IL1RAPL2: variants seen among roughly 807,000 people sequenced by gnomAD.
IL1RAPL2 encodes the protein interleukin 1 receptor accessory protein like 2, also known as X-linked interleukin-1 receptor accessory protein-like 2.
IL1RAPL2 carries 3 observed loss-of-function variants against 44.1 expected under a neutral mutation model. The ratio of observed to expected loss-of-function variants is 0.07; its 90% CI spans 0.03 to 0.18. The LOEUF (loss-of-function observed/expected upper bound fraction) is 0.18, where lower values mean the gene tolerates loss of function less well. IL1RAPL2 is among the 10% of genes least tolerant of loss of function. The pLI, the probability that IL1RAPL2 is intolerant of heterozygous loss-of-function variation, is 1.00. For synonymous variants in IL1RAPL2, 181 were observed against 178.8 expected, an observed-to-expected ratio of 1.01 and a Z score of -0.10; for missense variants, 391 against 496.4, an observed-to-expected ratio of 0.79 and a Z score of 2.02.
intron 2 of IL1RAPL2, among the ~76,000 whole-genome samples, chrX:104,893,326 G>A (rs928338226): frequency 6.3e-5 from 7 of 111,432 alleles, no homozygotes; most frequent in Admixed American, 9.5e-5. Context: ...GCAGAGCTGG[G>A]TTCAATTTCT....
intron 5 of IL1RAPL2, among the ~76,000 whole-genome samples, chrX:105,378,357 C>T (rs1389385376): frequency 8.1e-5 from 9 of 111,724 alleles, no homozygotes; most frequent in Non-Finnish European, 1.3e-4. Context: ...CTTTTATTTA[C>T]GCCTTTCAGC....
At chrX:104,607,390 A>G (rs937084214) in intron 1 of IL1RAPL2, among the ~76,000 whole-genome samples, 1 of 112,209 alleles carries the variant, frequency 8.9e-6, no homozygotes, top group Non-Finnish European at 1.9e-5. Context: ...TTGACGTGGG[A>G]TCTGATTAAA....
intron 2 of IL1RAPL2, among the ~76,000 whole-genome samples, chrX:105,186,747 G>A (rs1214203231): frequency 2.7e-5 from 3 of 111,785 alleles, no homozygotes; most frequent in African/African-American, 9.8e-5. Context: ...AAACATTTCT[G>A]AAAAACACAC....
chrX:104,762,086 C>T (rs933728660), intron 2 of IL1RAPL2, among the ~76,000 whole-genome samples: 8 of 108,344 alleles, frequency 7.4e-5, no homozygotes, highest in African/African-American at 2.7e-4. Flanking sequence ...CAACCTCTGC[C>T]TCCTGGGTTC....
chrX:105,254,041 A>G (rs1426625725), intron 4 of IL1RAPL2, among the ~76,000 whole-genome samples: 1 of 111,654 alleles, frequency 9.0e-6, no homozygotes. Flanking sequence ...GGTAGAATTA[A>G]TGATTTATAT....
At chrX:104,792,810 C>T (rs185372327) in intron 2 of IL1RAPL2, among the ~76,000 whole-genome samples, 1 of 111,384 alleles carries the variant, frequency 9.0e-6, no homozygotes, top group African/African-American at 3.3e-5. Context: ...CTCCAAAATC[C>T]TGCAAAGAGA....
At chrX:105,535,259 G>C (rs1465691636) in intron 6 of IL1RAPL2, among the ~76,000 whole-genome samples, 1 of 111,632 alleles carries the variant, frequency 9.0e-6, no homozygotes, top group Non-Finnish European at 1.9e-5. Flanking sequence ...CGAGACCCAC[G>C]ACTCACCTAG....
At chrX:104,662,170 T>C (rs763400264) in intron 2 of IL1RAPL2, among the ~76,000 whole-genome samples, 1 of 112,027 alleles carries the variant, frequency 8.9e-6, no homozygotes, top group Non-Finnish European at 1.9e-5. Flanking sequence ...TGGGCACATA[T>C]TGGAGCAAAC....
At chrX:104,729,916 G>A (rs994660695) in intron 2 of IL1RAPL2, among the ~76,000 whole-genome samples, 1 of 110,876 alleles carries the variant, frequency 9.0e-6, no homozygotes, top group Admixed American at 9.7e-5. Context: ...CTTGACCAGG[G>A]AGAAATGTAA....
chrX:105,490,057 A>G (rs913465503), intron 6 of IL1RAPL2, among the ~76,000 whole-genome samples: 1 of 110,660 alleles, frequency 9.0e-6, no homozygotes, highest in East Asian at 2.8e-4. Flanking sequence ...CAAACTCCTG[A>G]ACTCAGGTGA....
chrX:104,610,429 CAA>C (rs973431470), intron 1 of IL1RAPL2, among the ~76,000 whole-genome samples: 1 of 111,962 alleles, frequency 8.9e-6, no homozygotes, highest in African/African-American at 3.2e-5. Flanking sequence ...GCAACTTCAG[CAA>C]AGTCTCAGGA....
chrX:105,065,957 G>A (rs1004185706), intron 2 of IL1RAPL2, among the ~76,000 whole-genome samples: 1 of 111,037 alleles, frequency 9.0e-6, no homozygotes, highest in African/African-American at 3.3e-5. Flanking sequence ...TTCTTGAAGT[G>A]GTTTTCAGAT....
chrX:104,936,045 T>C (rs1925018866), intron 2 of IL1RAPL2, among the ~76,000 whole-genome samples: 1 of 111,981 alleles, frequency 8.9e-6, no homozygotes, highest in African/African-American at 3.2e-5. Context: ...AGCTCAAACT[T>C]GTCCATTGAA....
At chrX:104,877,545 A>G (rs1176860411) in intron 2 of IL1RAPL2, among the ~76,000 whole-genome samples, 2 of 112,736 alleles carry the variant, frequency 1.8e-5, no homozygotes, top group Non-Finnish European at 3.7e-5. Context: ...AACTTCAGGT[A>G]AAGTTTTTGT....
At chrX:104,717,728 G>A (rs939247318) in intron 2 of IL1RAPL2, among the ~76,000 whole-genome samples, 50 of 108,625 alleles carry the variant, frequency 4.6e-4, no homozygotes, top group African/African-American at 8.7e-4. Context: ...GTCATTTAGC[G>A]TTAGGTATCT....
At chrX:105,729,491 A>G (rs1029059191) in intron 7 of IL1RAPL2, among the ~76,000 whole-genome samples, 45 of 111,118 alleles carry the variant, frequency 4.0e-4, no homozygotes, top group Non-Finnish European at 1.5e-4. Flanking sequence ...TTATCTGTGT[A>G]TCTTCTTTGA....
chrX:104,771,170 C>G (rs73245704), intron 2 of IL1RAPL2, among the ~76,000 whole-genome samples: 2 of 111,903 alleles, frequency 1.8e-5, no homozygotes, highest in Admixed American at 1.9e-4. Flanking sequence ...TCTGGGCTGT[C>G]GGATCTCCTA....
intron 2 of IL1RAPL2, among the ~76,000 whole-genome samples, chrX:104,747,400 G>A (rs1932191989): frequency 9.0e-6 from 1 of 111,043 alleles, no homozygotes; most frequent in Non-Finnish European, 1.9e-5. Context: ...CTGCCAACCA[G>A]AACATATTTG....
chrX:105,439,828 A>G (rs746238513), intron 5 of IL1RAPL2, among the ~76,000 whole-genome samples: 13 of 112,074 alleles, frequency 1.2e-4, no homozygotes, highest in African/African-American at 3.6e-4. Flanking sequence ...GTAATGAAAA[A>G]CATCTGATGA....
Sources: allele counts gnomAD v4.1 joint callset (sites outside exome capture counted in the v4.1 genomes callset), GRCh38; gene constraint gnomAD v4.1.1; transcripts MANE v1.5; gene names NCBI Gene and HGNC (gene_info 2026-07-23, HGNC 2026-07-21).